Variants in EPHA6 observed in about 807,000 individuals in gnomAD.
The protein encoded by EPHA6 is EPH receptor A6.
In EPHA6, 50 loss-of-function variants were observed where a neutral mutation model predicts 112.0. The observed-to-expected ratio is 0.45, with a 90% CI of 0.36 to 0.56. The LOEUF is 0.56. Ranked by LOEUF, EPHA6 falls within the 20% of genes least tolerant of loss-of-function variation. EPHA6 has a pLI of 0.00. For synonymous variants in EPHA6, 529 were observed against 490.7 expected (o/e 1.08, Z -1.03); for missense variants, 1,280 against 1,417.4 (o/e 0.90, Z 1.56).
chr3:97,422,011 T>G (rs2107188682), intron 6 of EPHA6, among the ~76,000 whole-genome samples: 1 of 152,048 alleles, frequency 6.6e-6, no homozygotes, highest in East Asian at 1.9e-4. Flanking sequence ...TTAAAATTTT[T>G]GGAAGGAAAA....
chr3:97,452,829 AT>A (rs2090571842), intron 7 of EPHA6, among the ~76,000 whole-genome samples: 1 of 151,680 alleles, frequency 6.6e-6, no homozygotes, highest in Non-Finnish European at 1.5e-5. Flanking sequence ...ATAATAGGAA[AT>A]TTTAACTGCT....
intron 14 of EPHA6, among the ~76,000 whole-genome samples, chr3:97,712,203 A>G (rs1192801425): frequency 6.6e-6 from 1 of 152,222 alleles, no homozygotes; most frequent in African/African-American, 2.4e-5. Context: ...AATAAATACT[A>G]CAAATAAGAA....
chr3:96,838,590 AATAATT>A (rs1446869217), intron 1 of EPHA6, among the ~76,000 whole-genome samples: 5 of 152,096 alleles, frequency 3.3e-5, no homozygotes, highest in Non-Finnish European at 5.9e-5. Context: ...TGGTACCCAG[AATAATT>A]ATAATTTTCT....
intron 11 of EPHA6, among the ~76,000 whole-genome samples, chr3:97,575,737 A>G (rs1412944420): frequency 1.3e-5 from 2 of 152,238 alleles, no homozygotes; most frequent in Non-Finnish European, 2.9e-5. Context: ...TTCGCATTTT[A>G]GAAATATTTA....
At chr3:97,254,634 A>C (rs2079249417) in intron 5 of EPHA6, among the ~76,000 whole-genome samples, 1 of 152,186 alleles carries the variant, frequency 6.6e-6, no homozygotes, top group African/African-American at 2.4e-5. Context: ...CACATGCTTG[A>C]AGTAATCTAA....
chr3:97,617,867 A>T lies in EPHA6; in HGVS notation c.2574+7013A>T, dbSNP rs543824393. 5.3e-5 allele frequency among the ~76,000 whole-genome samples: 8 copies of T among 152,290 alleles called. No individual in the cohort carries two copies. The South Asian group carries it at 1.7e-3, about 32-fold the overall frequency. On this transcript the variant is annotated intron_variant, in intron 13 of 17. Transcript: ENST00000389672. ...AAACCCCACTGTGAATATTAGACAG[A>T]TCATCAAGATAGAAAATTCACAAAG... is the stretch of plus-strand genomic sequence containing the variant.
chr3:97,172,079 G>A (rs566371242), intron 3 of EPHA6, among the ~76,000 whole-genome samples: 95 of 152,096 alleles, frequency 6.2e-4, no homozygotes, highest in African/African-American at 2.2e-3. Context: ...GGGAAGCCAG[G>A]TTGTAATGGG....
intron 5 of EPHA6, among the ~76,000 whole-genome samples, chr3:97,358,591 C>T (rs2084203131): frequency 6.6e-6 from 1 of 151,756 alleles, no homozygotes; most frequent in Non-Finnish European, 1.5e-5. Context: ...AGTTAGAAAC[C>T]TTTGTACAAT....
intron 5 of EPHA6, among the ~76,000 whole-genome samples, chr3:97,265,189 G>T (rs1324948946): frequency 6.6e-6 from 1 of 152,144 alleles, no homozygotes; most frequent in East Asian, 1.9e-4. Context: ...CCCAAAAAAG[G>T]TATCACAAGT....
intron 3 of EPHA6, among the ~76,000 whole-genome samples, chr3:97,003,327 C>T (rs1018875622): frequency 4.6e-5 from 7 of 152,168 alleles, no homozygotes; most frequent in Non-Finnish European, 7.4e-5. Flanking sequence ...AGGCTGGTCT[C>T]GAACTCCTGA....
chr3:97,585,167 TG>T (rs2093476924), intron 11 of EPHA6, among the ~76,000 whole-genome samples: 1 of 152,174 alleles, frequency 6.6e-6, no homozygotes, highest in Non-Finnish European at 1.5e-5. Context: ...ATAAAAATTA[TG>T]TAAATAGACT....
intron 5 of EPHA6, among the ~76,000 whole-genome samples, chr3:97,304,476 A>C (rs547532055): frequency 3.0e-4 from 46 of 151,704 alleles, no homozygotes; most frequent in Middle Eastern, 3.4e-3. Context: ...GAGGCATCAC[A>C]TTTTCCAACT....
intron 14 of EPHA6, among the ~76,000 whole-genome samples, chr3:97,703,896 T>C (rs2033535471): frequency 6.6e-6 from 1 of 152,184 alleles, no homozygotes; most frequent in Non-Finnish European, 1.5e-5. Context: ...TGAGTGAAAT[T>C]TCTTTCTTTC....
intron 5 of EPHA6, among the ~76,000 whole-genome samples, chr3:97,331,114 A>G (rs997213756): frequency 2.0e-5 from 3 of 152,144 alleles, no homozygotes; most frequent in Admixed American, 6.6e-5. Context: ...ACTCATCTAC[A>G]TGGAAACTGA....
chr3:97,305,051 C>A (rs1197637831), intron 5 of EPHA6, among the ~76,000 whole-genome samples: 1 of 151,760 alleles, frequency 6.6e-6, no homozygotes, highest in African/African-American at 2.4e-5. Flanking sequence ...AATAAACAAC[C>A]CCATTAAAAG....
chr3:97,299,342 CTA>C (rs1377271903), intron 5 of EPHA6, among the ~76,000 whole-genome samples: 1 of 151,948 alleles, frequency 6.6e-6, no homozygotes, highest in Non-Finnish European at 1.5e-5. Context: ...TTTAGGTAAA[CTA>C]TTCCTTTCAA....
chr3:97,245,747 T>G (rs1371076642), intron 5 of EPHA6, among the ~76,000 whole-genome samples: 1 of 151,752 alleles, frequency 6.6e-6, no homozygotes, highest in Non-Finnish European at 1.5e-5. Context: ...TATGAAGTGG[T>G]AGGAGGGAGG....
At chr3:97,088,014 C>T (rs1261688969) in intron 3 of EPHA6, among the ~76,000 whole-genome samples, 2 of 151,978 alleles carry the variant, frequency 1.3e-5, no homozygotes, top group East Asian at 1.9e-4. Flanking sequence ...AACCCCGTCT[C>T]TACTAAAAAT....
At chr3:97,413,877 T>A (rs2087915026) in intron 6 of EPHA6, among the ~76,000 whole-genome samples, 1 of 152,016 alleles carries the variant, frequency 6.6e-6, no homozygotes, top group African/African-American at 2.4e-5. Context: ...TTATGTTATC[T>A]AACCCTTAGC....
Sources: gnomAD v4.1 joint callset for allele counts (sites outside exome capture counted in the v4.1 genomes callset) on GRCh38, gnomAD v4.1.1 for gene constraint, MANE v1.5 for transcripts, NCBI Gene and HGNC (gene_info 2026-07-23, HGNC 2026-07-21) for gene names.